The following MAST4 variants were observed in gnomAD, a reference collection of about 807,000 sequenced individuals.
The protein encoded by MAST4 is microtubule-associated serine/threonine-protein kinase 4.
Under a neutral mutation model 162.7 loss-of-function variants are expected in MAST4, and 89 were observed. The ratio of observed to expected loss-of-function variants is 0.55; its 90% confidence interval spans 0.46 to 0.65. The LOEUF is 0.65. Among genes scored for constraint, MAST4 ranks in the 30% least tolerant of loss-of-function variants. MAST4 has a pLI of 0.00. For synonymous variants in MAST4, 1,479 were observed against 1,361.1 expected, an observed-to-expected ratio of 1.09 and a Z score of -1.91; for missense variants, 3,153 against 3,374.0, an observed-to-expected ratio of 0.93 and a Z score of 1.62.
At chr5:67,157,966 C>G (rs1159654548) in intron 26 of MAST4, among the ~76,000 whole-genome samples, 1 of 152,200 alleles carries the variant, frequency 6.6e-6, no homozygotes. Flanking sequence ...GAACTGGATT[C>G]CAGCTCTAGT....
chr5:66,657,863 T>G (rs1453945945), intron 1 of MAST4, among the ~76,000 whole-genome samples: 2 of 152,176 alleles, frequency 1.3e-5, no homozygotes, highest in East Asian at 3.8e-4. Context: ...CCCATACAGG[T>G]TGGGAGACAG....
Position 67,165,617 on chromosome 5 carries a change from G to T in MAST4, c.6438G>T (p.Pro2146=), listed in dbSNP as rs368526600. 1.2e-6 allele frequency: 2 copies of T among 1,613,108 alleles called. No homozygotes were observed. The highest frequency in any genetic ancestry group is 1.7e-6 in the Non-Finnish European group (2 of 1,179,592). Residue 2146 remains proline, a synonymous_variant, in exon 29 of 29, where the codon CCG becomes CCT. Coordinates refer to ENST00000403625, the MANE Select transcript of MAST4 (RefSeq NM_001164664.2). The part of the protein sequence containing the change: ...PPLTAKDLSS[P]AARQHCSSPS... ...TGACGGCCAAAGACCTGTCCAGCCC[G>T]GCTGCCAGGCAGCATTGCAGTTCCC...
intron 4 of MAST4, among the ~76,000 whole-genome samples, chr5:66,945,065 C>G (rs552502301): frequency 2.0e-5 from 3 of 151,500 alleles, no homozygotes; most frequent in Non-Finnish European, 4.4e-5. Context: ...TTTTGCCTGT[C>G]ATATCCTGGG....
rs1400685983 is a variant in MAST4, at chr5:66,596,698, G to C, written c.43G>C (p.Gly15Arg). The change falls in exon 1 of 29, where the codon GGC becomes CGC. Residue 15 changes from glycine (G) to arginine (R), a missense_variant. By Grantham distance (125) the Gly-to-Arg change is moderately radical (BLOSUM62 -2). Around this residue, in one of 7 missense-constraint regions of MAST4, gnomAD observed 327 missense variants for 336.5 expected, o/e 0.97. Coordinates refer to ENST00000403625, the MANE Select transcript of MAST4 (RefSeq NM_001164664.2). ...GGAGGCGCCAGAGCCGGTGCCCCGC[G>C]GCTGCAGTGGCCACGGCAGCCGGAC... is the stretch of plus-strand genomic sequence containing the variant. ...VSEAPEPVPR[G>R]CSGHGSRTPA... The C allele has an allele frequency of 3.4e-6, 5 of 1,469,552 alleles. No homozygotes were observed. Among genetic ancestry groups the C allele is most frequent in the Non-Finnish European group, 4.5e-6 (5 of 1,111,878 alleles). The allele number at this position is 1,469,552 out of a possible 1,614,324, so 91.0% of individuals were successfully genotyped here. A position where few individuals can be genotyped will look rare whatever the true frequency, so the allele number is the denominator to read the frequency against.
At chr5:66,785,689 G>T (rs1366656890) in intron 2 of MAST4, among the ~76,000 whole-genome samples, 1 of 152,080 alleles carries the variant, frequency 6.6e-6, no homozygotes, top group African/African-American at 2.4e-5. Context: ...TTTGAGACTT[G>T]ATCAGTATTG....
At chr5:66,933,580 A>G (rs985445320) in intron 4 of MAST4, among the ~76,000 whole-genome samples, 2 of 152,120 alleles carry the variant, frequency 1.3e-5, no homozygotes, top group African/African-American at 4.8e-5. Flanking sequence ...ACATGTGTGC[A>G]TGTTGCTCTC....
At chr5:67,139,913 C>G (rs561242059) in intron 19 of MAST4, among the ~76,000 whole-genome samples, 1 of 152,306 alleles carries the variant, frequency 6.6e-6, no homozygotes, top group South Asian at 2.1e-4. Context: ...GAAATGTGAG[C>G]TAAATCAGCT....
chr5:66,703,531 G>C (rs917422020), intron 1 of MAST4, among the ~76,000 whole-genome samples: 1 of 152,154 alleles, frequency 6.6e-6, no homozygotes, highest in Admixed American at 6.5e-5. Flanking sequence ...TCTGCAGGGT[G>C]AACTCTATAG....
chr5:66,618,598 C>T (rs1477829525), intron 1 of MAST4, among the ~76,000 whole-genome samples: 1 of 152,188 alleles, frequency 6.6e-6, no homozygotes, highest in Admixed American at 6.5e-5. Flanking sequence ...CTAAACACTT[C>T]CCTCTGTATT....
At chr5:66,789,611 C>A in intron 3 of MAST4, 1 of 419,388 alleles carries the variant, frequency 2.4e-6, no homozygotes, top group Non-Finnish European at 4.8e-6. Context: ...AAGAATACGA[C>A]ACTGGTGATG....
At chr5:66,792,547 T>C (rs1452657170) in intron 3 of MAST4, 1 of 152,436 alleles carries the variant, frequency 6.6e-6, no homozygotes, top group East Asian at 1.9e-4. Context: ...AAAGTGACTT[T>C]TTTTTTTAGT....
intron 4 of MAST4, chr5:66,959,187 C>A (rs761034457): frequency 1.7e-5 from 13 of 778,526 alleles, no homozygotes; most frequent in Non-Finnish European, 2.9e-5. Flanking sequence ...CTGTCATCAC[C>A]GGGACGCTGG....
chr5:66,957,667 C>G (rs1745483334), intron 4 of MAST4, among the ~76,000 whole-genome samples: 1 of 152,150 alleles, frequency 6.6e-6, no homozygotes, highest in Non-Finnish European at 1.5e-5. Flanking sequence ...TGCCCCAGAG[C>G]AAGTTGATAG....
At chr5:66,824,570 C>T (rs549074196) in intron 3 of MAST4, among the ~76,000 whole-genome samples, 3 of 152,326 alleles carry the variant, frequency 2.0e-5, no homozygotes, top group African/African-American at 7.2e-5. Context: ...GAATGGGTAA[C>T]ATCGGAAGAT....
intron 4 of MAST4, among the ~76,000 whole-genome samples, chr5:67,049,040 T>TATATATATATATATATAC (rs1554087420): frequency 3.1e-5 from 3 of 96,736 alleles, no homozygotes; most frequent in Non-Finnish European, 5.9e-5. Context: ...TATATATATA[T>TATATATATATATATATAC]ACGTGTATAT....
intron 1 of MAST4, among the ~76,000 whole-genome samples, chr5:66,632,198 C>T (rs2149422840): frequency 6.6e-6 from 1 of 152,274 alleles, no homozygotes. Flanking sequence ...GATAGTTCTA[C>T]TGTTGTCAGC....
intron 1 of MAST4, among the ~76,000 whole-genome samples, chr5:66,697,522 A>G (rs1749484842): frequency 6.6e-6 from 1 of 152,202 alleles, no homozygotes; most frequent in African/African-American, 2.4e-5. Context: ...AATAGTCCTT[A>G]CTTTTTGCAA....
At chr5:67,104,712 ACT>A in intron 10 of MAST4, 137 bp downstream of exon 10, 1 of 634,458 alleles carries the variant, frequency 1.6e-6, no homozygotes, top group Admixed American at 3.0e-5. Context: ...AAAAAAAAAA[ACT>A]CACCTGATTG....
chr5:66,826,376 T>G (rs191392035), intron 3 of MAST4, among the ~76,000 whole-genome samples: 1 of 152,216 alleles, frequency 6.6e-6, no homozygotes, highest in East Asian at 1.9e-4. Flanking sequence ...GATTCCTATT[T>G]ATCACTCCCA....
Sources: allele counts gnomAD v4.1 joint callset (sites outside exome capture counted in the v4.1 genomes callset), GRCh38; gene constraint gnomAD v4.1.1; regional missense constraint gnomAD v4.1.1; transcripts MANE v1.5; gene names NCBI Gene and HGNC (gene_info 2026-07-23, HGNC 2026-07-21).